Variants in PITPNB observed in about 807,000 individuals in gnomAD.
The protein encoded by PITPNB is phosphatidylinositol transfer protein beta.
A neutral mutation model predicts 45.9 loss-of-function variants in PITPNB; 16 were observed. The observed-to-expected ratio is 0.35, with a 90% CI of 0.24 to 0.53. The LOEUF is 0.53. PITPNB is among the 20% of genes least tolerant of loss of function. The probability of loss-of-function intolerance (pLI) is 0.93; values close to 1 mark genes in which losing one functional copy is unlikely to be tolerated. For synonymous variants in PITPNB, 112 were observed against 108.9 expected (o/e 1.03, Z -0.18); for missense variants, 188 against 330.5 (o/e 0.57, Z 3.34).
At chr22:27,854,820 T>G in intron 11 of PITPNB, 34 bp downstream of exon 11, 4 of 1,379,480 alleles carry the variant, frequency 2.9e-6, no homozygotes, top group Non-Finnish European at 4.1e-6. Context: ...AGGTACAGGT[T>G]TCGAAACATC....
At chr22:27,854,799 C>T in intron 11 of PITPNB, 55 bp downstream of exon 11, 1 of 985,544 alleles carries the variant, frequency 1.0e-6, no homozygotes, top group Non-Finnish European at 1.6e-6. Context: ...GTTAACTGCC[C>T]ATCACCAAAA....
chr22:27,894,226 C>G (rs1601412661), intron 7 of PITPNB: 1 of 184,510 alleles, frequency 5.4e-6, no homozygotes, highest in African/African-American at 2.3e-5. Context: ...TAAAAGGGAC[C>G]TAGCTGGAGG....
chr22:27,852,797 A>G lies in PITPNB; in HGVS notation c.*905T>C, dbSNP rs1934059256. 1 of 152,628 alleles carries G rather than the reference A, an allele frequency of 6.6e-6. No homozygotes were observed. The highest frequency in any genetic ancestry group is 1.5e-5 in the Non-Finnish European group (1 of 68,038). The allele number at this position is 152,628 out of a possible 1,614,324, so 9.5% of individuals were successfully genotyped here. Reference sequence around the variant, plus strand: ...TTCCAACTTTTCTACACAGCCTACAATCCTATTAAGACTAATTTCTTCATC... The same window carrying G: ...TTCCAACTTTTCTACACAGCCTACAGTCCTATTAAGACTAATTTCTTCATC... On this transcript the variant is annotated 3_prime_UTR_variant, in exon 12 of 12. Coordinates refer to ENST00000335272, the MANE Select transcript of PITPNB (RefSeq NM_012399.5).
In PITPNB at chr22:27,902,630, G is replaced by GGCCC. The variant is rs1168813833; in HGVS notation, c.198-4739_198-4738insGGGC. ...TACAGATGTAAATCTTTATGATCTT[G>GGCCC]GATTGGGCAATGATTTCTTTGATGA... On this transcript the variant is annotated intron_variant, in intron 3 of 11. Coordinates refer to ENST00000335272, the MANE Select transcript of PITPNB (RefSeq NM_012399.5). Among the ~76,000 whole-genome samples the GGCCC allele has an allele frequency of 4.6e-5, 7 of 152,132 alleles. No homozygotes were observed. In the South Asian group the frequency reaches 6.2e-4, roughly 14 times the overall value.
intron 7 of PITPNB, among the ~76,000 whole-genome samples, chr22:27,881,954 T>C (rs895449334): frequency 2.6e-5 from 4 of 152,228 alleles, no homozygotes; most frequent in Admixed American, 6.5e-5. Context: ...AAGAAAAAAG[T>C]TTTAATATTA....
At chr22:27,885,909 T>G (rs1271038133) in intron 7 of PITPNB, among the ~76,000 whole-genome samples, 2 of 152,192 alleles carry the variant, frequency 1.3e-5, no homozygotes, top group Non-Finnish European at 2.9e-5. Flanking sequence ...TCCAGCATCT[T>G]GCTAGGTCCT....
At chr22:27,908,012 A>C (rs1399363252) in intron 3 of PITPNB, among the ~76,000 whole-genome samples, 1 of 151,764 alleles carries the variant, frequency 6.6e-6, no homozygotes, top group African/African-American at 2.4e-5. Flanking sequence ...TCTTTTATTT[A>C]ACCACTGAAA....
chr22:27,858,606 C>T (rs921703482), intron 9 of PITPNB, 97 bp from the exon 10 acceptor site: 32 of 901,702 alleles, frequency 3.5e-5, no homozygotes, highest in Non-Finnish European at 5.0e-5. Context: ...ATGAAATTTA[C>T]ACATTTGGTT....
At chr22:27,880,931 T>A (rs1934953131) in intron 7 of PITPNB, among the ~76,000 whole-genome samples, 1 of 152,240 alleles carries the variant, frequency 6.6e-6, no homozygotes, top group Non-Finnish European at 1.5e-5. Flanking sequence ...AATAAAATTT[T>A]AAAATCCTTG....
chr22:27,910,204 C>T (rs1011783077), intron 3 of PITPNB, among the ~76,000 whole-genome samples: 1 of 152,126 alleles, frequency 6.6e-6, no homozygotes, highest in Non-Finnish European at 1.5e-5. Context: ...CCCGCCTCAG[C>T]CTCCCAAAGT....
chr22:27,886,370 T>C (rs1469492445), intron 7 of PITPNB, among the ~76,000 whole-genome samples: 1 of 152,212 alleles, frequency 6.6e-6, no homozygotes, highest in East Asian at 1.9e-4. Context: ...ATGACCCATA[T>C]ATTTAAATAC....
chr22:27,864,564 T>C (rs1198664427), intron 8 of PITPNB, among the ~76,000 whole-genome samples: 1 of 152,210 alleles, frequency 6.6e-6, no homozygotes, highest in African/African-American at 2.4e-5. Flanking sequence ...AATTATTAAC[T>C]GAAATACCCA....
At chr22:27,887,463 A>G (rs996443608) in intron 7 of PITPNB, among the ~76,000 whole-genome samples, 4 of 152,064 alleles carry the variant, frequency 2.6e-5, no homozygotes, top group Non-Finnish European at 5.9e-5. Flanking sequence ...CCATTCAACC[A>G]TCCAACCTGA....
At chr22:27,898,972 C>G (rs1284282995) in intron 3 of PITPNB, among the ~76,000 whole-genome samples, 1 of 152,216 alleles carries the variant, frequency 6.6e-6, no homozygotes, top group African/African-American at 2.4e-5. Context: ...CTGGAGCCTA[C>G]TGTAAAGAGT....
rs1174854589 is a variant in PITPNB at position 27,853,170 on chromosome 22, T to TA, written c.*531dup. On this transcript the variant is annotated 3_prime_UTR_variant, in exon 12 of 12. Coordinates refer to ENST00000335272, the MANE Select transcript of PITPNB (RefSeq NM_012399.5). ...TGTGGGAGTCTACTGCTTATGGGAC[T>TA]AAAAAAAAATTTATAACAGACTGAC... 2.0e-5 allele frequency: 3 copies of TA among 153,600 alleles called. No individual in the cohort carries two copies. Among genetic ancestry groups the TA allele is most frequent in the Admixed American group, 6.6e-5 (1 of 15,260 alleles). The allele number at this position is 153,600 out of a possible 1,614,324, so 9.5% of individuals were successfully genotyped here.
At chr22:27,859,769 AG>A (rs1179231492) in intron 9 of PITPNB, among the ~76,000 whole-genome samples, 1 of 152,186 alleles carries the variant, frequency 6.6e-6, no homozygotes, top group Non-Finnish European at 1.5e-5. Flanking sequence ...GAGATGGGGC[AG>A]GGGAGTCCTT....
chr22:27,872,238 C>T (rs1436553793), intron 8 of PITPNB, among the ~76,000 whole-genome samples: 1 of 151,804 alleles, frequency 6.6e-6, no homozygotes, highest in Non-Finnish European at 1.5e-5. Flanking sequence ...GGATTACACG[C>T]AAGCACCATC....
intron 8 of PITPNB, among the ~76,000 whole-genome samples, chr22:27,865,894 A>G (rs1934469406): frequency 6.6e-6 from 1 of 152,196 alleles, no homozygotes; most frequent in Non-Finnish European, 1.5e-5. Context: ...TTTCTTCTTC[A>G]TTGGCTAAAA....
At chr22:27,916,735 G>A (rs915177087) in intron 1 of PITPNB, among the ~76,000 whole-genome samples, 2 of 151,980 alleles carry the variant, frequency 1.3e-5, no homozygotes, top group Non-Finnish European at 2.9e-5. Flanking sequence ...CCTGGGAGGC[G>A]GAGGTTGCAG....
Sources: gnomAD v4.1 joint callset for allele counts (sites outside exome capture counted in the v4.1 genomes callset) on GRCh38, gnomAD v4.1.1 for gene constraint, MANE v1.5 for transcripts, NCBI Gene and HGNC (gene_info 2026-07-23, HGNC 2026-07-21) for gene names.